Variants in DDX3X observed in about 807,000 individuals in gnomAD.
DDX3X encodes the protein ATP-dependent RNA helicase DDX3X.
DDX3X carries 4 observed loss-of-function variants against 52.7 expected under a neutral mutation model. That is an observed-to-expected ratio of 0.08 (90% CI 0.04 to 0.17). DDX3X has a LOEUF of 0.17. Among genes scored for constraint, DDX3X ranks in the 10% least tolerant of loss-of-function variants. The pLI is 1.00. For synonymous variants in DDX3X, 192 were observed against 178.1 expected, an observed-to-expected ratio of 1.08 and a Z score of -0.62; for missense variants, 222 against 548.6, an observed-to-expected ratio of 0.40 and a Z score of 5.95.
intron 5 of DDX3X, among the ~76,000 whole-genome samples, chrX:41,364,093 T>C (rs188321597): frequency 1.8e-5 from 2 of 112,235 alleles, no homozygotes; most frequent in East Asian, 5.6e-4. Flanking sequence ...GATGGCAATG[T>C]GCCTCTCTAA....
At chrX:41,333,803 C>A (rs754512539), upstream of DDX3X, 195 of 124,591 alleles carry the variant, frequency 1.6e-3, no homozygotes, top group African/African-American at 6.2e-3. Context: ...GAAAGGGGGG[C>A]GAAGAGGCCT....
At chrX:41,357,291 C>A in intron 5 of DDX3X, among the ~76,000 whole-genome samples, 1 of 110,188 alleles carries the variant, frequency 9.1e-6, no homozygotes, top group Non-Finnish European at 1.9e-5. Context: ...ATTCCTCTCA[C>A]TTTATTATAG....
At chrX:41,350,747 A>G (rs763842241), downstream of DDX3X, 1 of 111,716 alleles carries the variant, frequency 9.0e-6, no homozygotes, top group Non-Finnish European at 1.9e-5. Context: ...GGCAACGTAT[A>G]GCAAGACCTT....
chrX:41,357,929 G>A (rs1569245232), intron 5 of DDX3X: 1 of 294,106 alleles, frequency 3.4e-6, no homozygotes, highest in African/African-American at 2.8e-5. Context: ...ATGTAGTCAT[G>A]GCAGCCTTAG....
rs757518275 is a variant in DDX3X at position 41,347,414 on chromosome X, C to T, written c.1872C>T (p.Gly624=). Residue 624 remains glycine (G), a synonymous_variant, in exon 16 of 17, where the codon GGC becomes GGT. Transcript: ENST00000644876. ...SSSRASSSRS[G]GGGHGSSRGF... ...GCCGCGCAAGCAGCAGCCGCAGTGG[C>T]GGAGGTGGCCACGGTAGCAGCAGAG... 3 of 1,211,130 alleles carry T rather than the reference C, an allele frequency of 2.5e-6. No homozygotes were observed. Among genetic ancestry groups the T allele is most frequent in the Admixed American group, 2.2e-5 (1 of 45,938 alleles).
At chrX:41,337,582 A>G (rs1395596695) in intron 2 of DDX3X, 117 bp downstream of exon 2, 2 of 538,387 alleles carry the variant, frequency 3.7e-6, no homozygotes, top group African/African-American at 4.7e-5. Context: ...TTAAAGAATT[A>G]TGTAGTCTTT....
At chrX:41,356,250 G>A (rs1254148335) in intron 5 of DDX3X, among the ~76,000 whole-genome samples, 4 of 100,863 alleles carry the variant, frequency 4.0e-5, no homozygotes, top group Non-Finnish European at 7.9e-5. Context: ...AGCCATTCTC[G>A]TGCCTCAGCC....
downstream of DDX3X, chrX:41,350,781 C>T (rs1430522837): frequency 1.8e-5 from 2 of 111,732 alleles, no homozygotes; most frequent in African/African-American, 6.5e-5. Context: ...GGTAATAAGA[C>T]ATCTATGCTT....
intron 5 of DDX3X, among the ~76,000 whole-genome samples, chrX:41,360,434 C>CTTGTTTGT (rs1033605787): frequency 9.4e-6 from 1 of 106,461 alleles, no homozygotes; most frequent in Admixed American, 1.0e-4. Context: ...ATGGAGTGCT[C>CTTGTTTGT]TTGTTTGTTT....
Position 41,334,225 on chromosome X carries a change from G to A in DDX3X, c.-28G>A, listed in dbSNP as rs1602110420. The A allele has an allele frequency of 1.7e-6, 2 of 1,201,910 alleles. No homozygotes were observed. The highest frequency in any genetic ancestry group is 1.7e-5 in the African/African-American group (1 of 57,774). ...AACAAACACTCGCTTAGCAGCGGAA[G>A]ACTCCGAGTTCTCGGTACTCTTCAG... is the stretch of plus-strand genomic sequence containing the variant. On this transcript the variant is annotated 5_prime_UTR_variant, in exon 1 of 17. Transcript: ENST00000644876.
chrX:41,349,148 T>C lies in DDX3X; in HGVS notation c.*1429T>C, dbSNP rs1204422229. On this transcript the variant is annotated 3_prime_UTR_variant, in exon 17 of 17. Coordinates refer to ENST00000644876, the MANE Select transcript of DDX3X (RefSeq NM_001356.5). The stretch of plus-strand genomic sequence containing the variant: ...AAATTTCCTAAAGTGCAATAGATTT[T>C]CAAGTGTATTGTGCCTTGTTCTAAA... 2 of 112,389 alleles carry C rather than the reference T, an allele frequency of 1.8e-5. No homozygotes were observed. The highest frequency in any genetic ancestry group is 3.8e-5 in the Non-Finnish European group (2 of 53,234). 9.3% of individuals were successfully genotyped at this position (112,389 alleles called of 1,213,427 possible). A position where few individuals can be genotyped will look rare whatever the true frequency, so the allele number is the denominator to read the frequency against.
At chrX:41,341,047 G>A (rs758859792) in intron 3 of DDX3X, 2 of 203,714 alleles carry the variant, frequency 9.8e-6, no homozygotes, top group Admixed American at 7.5e-5. Flanking sequence ...GTGCAGTGGC[G>A]CAATCTTGGC....
chrX:41,342,293 G>A (rs2063862264), intron 4 of DDX3X: 2 of 420,173 alleles, frequency 4.8e-6, no homozygotes, highest in Non-Finnish European at 8.0e-6. Context: ...TTATAGAAAT[G>A]TAAAGATTAC....
chrX:41,347,175 G>A, intron 15 of DDX3X, 137 bp from the exon 16 acceptor site: 1 of 931,621 alleles, frequency 1.1e-6, no homozygotes, highest in East Asian at 3.1e-5. Flanking sequence ...TAGAATGGGT[G>A]ACACTCTGTT....
chrX:41,362,083 CTTTTTTTT>C (rs1176759189), intron 5 of DDX3X, among the ~76,000 whole-genome samples: 1 of 72,733 alleles, frequency 1.4e-5, no homozygotes, highest in African/African-American at 5.8e-5. Context: ...AAATAATTAA[CTTTTTTTT>C]TTTTTTTTTT....
intron 1 of DDX3X, chrX:41,334,828 G>A (rs1017173625): frequency 3.5e-6 from 3 of 857,119 alleles, no homozygotes; most frequent in Non-Finnish European, 4.4e-6. Context: ...AATGGCGGCG[G>A]CCTCTTTTGT....
chrX:41,353,770 CAAA>C (rs948478529), downstream of DDX3X, among the ~76,000 whole-genome samples: 2 of 97,778 alleles, frequency 2.0e-5, no homozygotes, highest in Admixed American at 2.3e-4. Flanking sequence ...GGTTCCATCT[CAAA>C]AAAAAAAAAT....
chrX:41,334,326 C>T (rs2063722620), intron 1 of DDX3X, 29 bp downstream of exon 1: 4 of 1,205,249 alleles, frequency 3.3e-6, no homozygotes, highest in Admixed American at 2.2e-5. Context: ...ACCGGGCTGG[C>T]TGCTGCGTGA....
At chrX:41,341,796 C>T in intron 4 of DDX3X, 180 bp downstream of exon 4, 3 of 391,563 alleles carry the variant, frequency 7.7e-6, no homozygotes, top group Non-Finnish European at 1.3e-5. Flanking sequence ...TAGGAATATG[C>T]TCATTGGCAT....
Sources: allele counts gnomAD v4.1 joint callset (sites outside exome capture counted in the v4.1 genomes callset), GRCh38; gene constraint gnomAD v4.1.1; transcripts MANE v1.5; gene names NCBI Gene and HGNC (gene_info 2026-07-23, HGNC 2026-07-21).